Variants in TBCD observed in about 807,000 individuals in gnomAD.
The protein encoded by TBCD is tubulin folding cofactor D, also known as tubulin-specific chaperone D.
In TBCD, 105 loss-of-function variants were observed where a neutral mutation model predicts 169.3. The observed-to-expected ratio is 0.62, with a 90% CI of 0.53 to 0.73. The LOEUF is 0.73. Ranked by LOEUF, TBCD falls within the 30% of genes least tolerant of loss-of-function variation. TBCD has a pLI of 0.00. For synonymous variants in TBCD, 700 were observed against 643.9 expected (o/e 1.09, Z -1.32); for missense variants, 1,444 against 1,600.1 (o/e 0.90, Z 1.66).
chr17:82,904,990 T>C (rs765182861), intron 19 of TBCD, among the ~76,000 whole-genome samples: 8 of 152,230 alleles, frequency 5.3e-5, no homozygotes, highest in Non-Finnish European at 1.0e-4. Context: ...TTAGCCTCTC[T>C]GATTCTCAAA....
intron 35 of TBCD, 59 bp from the exon 36 acceptor site, chr17:82,937,983 CGGGGTTT>C: frequency 1.9e-6 from 3 of 1,594,484 alleles, no homozygotes; most frequent in Non-Finnish European, 2.6e-6. Context: ...CCTTTGGGTC[CGGGGTTT>C]GCTGGGGTTG....
chr17:82,908,826 T>C (rs2060422982), intron 21 of TBCD, among the ~76,000 whole-genome samples: 1 of 152,234 alleles, frequency 6.6e-6, no homozygotes, highest in Admixed American at 6.5e-5. Context: ...AAAGAATACA[T>C]TTTAAAGAAT....
chr17:82,919,046 T>A (rs2061252375), intron 23 of TBCD, among the ~76,000 whole-genome samples: 1 of 152,174 alleles, frequency 6.6e-6, no homozygotes, highest in African/African-American at 2.4e-5. Context: ...TTAGGAGACG[T>A]TGTAGGACAG....
chr17:82,829,804 A>G (rs773020270), intron 13 of TBCD: 34 of 288,198 alleles, frequency 1.2e-4, no homozygotes, highest in Non-Finnish European at 1.6e-4. Context: ...AGCTAATAGA[A>G]AAACAGTTAA....
Position 82,923,779 on chromosome 17 carries a change from G to C in TBCD, c.2260+46G>C. 3 of 1,505,752 alleles carry C rather than the reference G, an allele frequency of 2.0e-6. No homozygotes were observed. Among genetic ancestry groups the C allele is most frequent in the South Asian group, 2.4e-5 (2 of 82,528 alleles). The allele number at this position is 1,505,752 out of a possible 1,614,324, so 93.3% of individuals were successfully genotyped here. On this transcript the variant is annotated intron_variant, in intron 26 of 38. Coordinates refer to ENST00000355528, the MANE Select transcript of TBCD (RefSeq NM_005993.5). The surrounding 1 kb of genome is among the most constrained non-coding windows in gnomAD (Gnocchi z 4.6). ...TTGAAGACTCCAGGGGCTTCCAGCAGGAAGCTGCTGGGGAGTGTCTGGGCA... is the reference window on the plus strand; with the variant it reads ...TTGAAGACTCCAGGGGCTTCCAGCACGAAGCTGCTGGGGAGTGTCTGGGCA...
In TBCD at chr17:82,832,572, C is replaced by G; in HGVS notation, c.1318+17638C>G. 1.1e-6 allele frequency: 1 copy of G among 871,576 alleles called. No homozygotes were observed. The allele number at this position is 871,576 out of a possible 1,614,324, so 54.0% of individuals were successfully genotyped here. On this transcript the variant is annotated intron_variant, in intron 13 of 38. Coordinates refer to ENST00000355528, the MANE Select transcript of TBCD (RefSeq NM_005993.5). The surrounding 1 kb of genome is among the most constrained non-coding windows in gnomAD (Gnocchi z 4.9). ...GCTTTGCTTTCTTTCCCGATCACTTCTATCAGAAGCCAGCTCTGCGTGCTG... is the reference window on the plus strand; with the variant it reads ...GCTTTGCTTTCTTTCCCGATCACTTGTATCAGAAGCCAGCTCTGCGTGCTG...
intron 13 of TBCD, among the ~76,000 whole-genome samples, chr17:82,861,702 T>C (rs1187459255): frequency 6.6e-6 from 1 of 152,214 alleles, no homozygotes; most frequent in African/African-American, 2.4e-5. Context: ...CAAGCTGTGC[T>C]GGTGTGGCCG....
chr17:82,853,733 A>C (rs532456135), intron 13 of TBCD, among the ~76,000 whole-genome samples: 4 of 151,884 alleles, frequency 2.6e-5, no homozygotes, highest in Non-Finnish European at 5.9e-5. Flanking sequence ...GTGTTTTCTC[A>C]GTGTATTCTT....
rs371453330 is a variant in TBCD, at chr17:82,797,715, A to G, written c.772-42A>G. On this transcript the variant is annotated intron_variant, in intron 7 of 38. Coordinates refer to ENST00000355528, the MANE Select transcript of TBCD (RefSeq NM_005993.5). ...ATTTGTGTGTATGTTTTAAACTTCTATTTGTATTTGTAACATTAAAAATCT... is the reference window on the plus strand; with the variant it reads ...ATTTGTGTGTATGTTTTAAACTTCTGTTTGTATTTGTAACATTAAAAATCT... The G allele has an allele frequency of 2.8e-5, 40 of 1,406,658 alleles. No individual in the cohort carries two copies. In the Middle Eastern group the frequency reaches 1.4e-3, roughly 51 times the overall value. The allele number at this position is 1,406,658 out of a possible 1,614,324, so 87.1% of individuals were successfully genotyped here.
intron 23 of TBCD, among the ~76,000 whole-genome samples, chr17:82,919,078 T>A (rs2061253472): frequency 6.6e-6 from 1 of 152,168 alleles, no homozygotes; most frequent in South Asian, 2.1e-4. Flanking sequence ...GAAGAAAACT[T>A]CTTAGTTTAG....
At chr17:82,856,954 CCG>C in intron 13 of TBCD, among the ~76,000 whole-genome samples, 1 of 146,796 alleles carries the variant, frequency 6.8e-6, no homozygotes, top group African/African-American at 2.5e-5. Flanking sequence ...GATCGCTGGA[CCG>C]CGTGCGGACC....
At chr17:82,829,379 T>G (rs1320852631) in intron 13 of TBCD, 1 of 155,022 alleles carries the variant, frequency 6.5e-6, no homozygotes, top group Non-Finnish European at 1.5e-5. Context: ...GTTCACAGGT[T>G]AATCGCTGCC....
chr17:82,758,400 A>AAAAAAAAAAAAAAAAAAT lies in TBCD; in HGVS notation c.235+2188_235+2189insAAAAAAAAAAAAAATAAA, dbSNP rs1035939621. Among the ~76,000 whole-genome samples, 70 of 100,026 alleles carry AAAAAAAAAAAAAAAAAAT rather than the reference A, an allele frequency of 7.0e-4. 1 individual carries two copies. The highest frequency in any genetic ancestry group is 1.3e-3 in the East Asian group (4 of 3,196). The allele number at this position is 100,026 out of a possible 152,430, so 65.6% of individuals were successfully genotyped here. On this transcript the variant is annotated intron_variant, in intron 2 of 38. Transcript: ENST00000355528. ...AACGTCTCGGAAAAAAAAAAAAAAA[A>AAAAAAAAAAAAAAAAAAT]AAATAAATAAATAAATAAATTTTTT...
chr17:82,756,758 G>A (rs903226705), intron 2 of TBCD, among the ~76,000 whole-genome samples: 2 of 152,182 alleles, frequency 1.3e-5, no homozygotes, highest in South Asian at 4.1e-4. Flanking sequence ...GATTACAGGC[G>A]TGAGCCACCG....
chr17:82,801,482 T>TC (rs1598581487), intron 9 of TBCD, among the ~76,000 whole-genome samples: 7 of 112,772 alleles, frequency 6.2e-5, no homozygotes, highest in South Asian at 3.2e-4. Flanking sequence ...GCGGCGTGTG[T>TC]GTCGTGTGGC....
At chr17:82,791,491 C>G (rs1037571849) in intron 7 of TBCD, among the ~76,000 whole-genome samples, 2 of 152,148 alleles carry the variant, frequency 1.3e-5, no homozygotes, top group South Asian at 2.1e-4. Context: ...CTGCTCCTCT[C>G]TTCTGTGGGA....
chr17:82,839,199 CT>C, intron 13 of TBCD, among the ~76,000 whole-genome samples: 1 of 152,306 alleles, frequency 6.6e-6, no homozygotes, highest in East Asian at 1.9e-4. Context: ...TCGGCACTGT[CT>C]AATGTGCATA....
intron 22 of TBCD, among the ~76,000 whole-genome samples, chr17:82,909,649 C>T (rs7223958): frequency 0.11 from 15,347 of 145,388 alleles, 874 homozygotes; most frequent in South Asian, 0.28. Context: ...ACCCGGCCCG[C>T]TGTGGGAGGC....
At chr17:82,812,583 T>C (rs778357574) in intron 12 of TBCD, among the ~76,000 whole-genome samples, 1 of 152,202 alleles carries the variant, frequency 6.6e-6, no homozygotes, top group African/African-American at 2.4e-5. Context: ...TCTCGCTCTG[T>C]CGCCAGGCTG....
Sources: allele counts gnomAD v4.1 joint callset (sites outside exome capture counted in the v4.1 genomes callset), GRCh38; gene constraint gnomAD v4.1.1; non-coding constraint Gnocchi (gnomAD v3.1); transcripts MANE v1.5; gene names NCBI Gene and HGNC (gene_info 2026-07-23, HGNC 2026-07-21).